OLA1: variants seen among roughly 807,000 people sequenced by gnomAD.
OLA1 encodes Obg like ATPase 1.
A neutral mutation model predicts 48.4 loss-of-function variants in OLA1; 14 were observed. The observed-to-expected ratio is 0.29, with a 90% CI of 0.19 to 0.45. OLA1 has a LOEUF of 0.45. OLA1 is among the 20% of genes least tolerant of loss of function. The pLI, the probability that OLA1 is intolerant of heterozygous loss-of-function variation, is 1.00. For missense variants in OLA1, 325 were observed against 467.1 expected (o/e 0.70, Z 2.80); for synonymous variants, 127 against 150.4 (o/e 0.84, Z 1.14).
At chr2:174,080,195 A>C (rs1397592795) in intron 9 of OLA1, among the ~76,000 whole-genome samples, 1 of 152,038 alleles carries the variant, frequency 6.6e-6, no homozygotes, top group Non-Finnish European at 1.5e-5. Flanking sequence ...CATTCACACA[A>C]GGCATTTAAC....
chr2:174,095,820 T>C (rs902656411), intron 7 of OLA1, among the ~76,000 whole-genome samples: 1 of 152,098 alleles, frequency 6.6e-6, no homozygotes, highest in African/African-American at 2.4e-5. Context: ...AGAACTCTTA[T>C]AACTCAACGA....
chr2:174,078,983 A>G lies in OLA1; in HGVS notation c.1074T>C (p.Ser358=). The G allele has an allele frequency of 6.2e-7, 1 of 1,602,398 alleles. No homozygotes were observed. Among genetic ancestry groups the G allele is most frequent in the Non-Finnish European group, 8.5e-7 (1 of 1,175,622 alleles). The part of the protein sequence containing the change: ...MKYEDFKEEG[S]ENAVKAAGKY... ...AATTCTTTACCTTGACTGCATTTTC[A>G]GAACCTTCCTCTTTAAAATCTTCGT... Residue 358 remains serine (S), a synonymous_variant, in exon 10 of 11, where the codon TCT becomes TCC. Coordinates refer to ENST00000284719, the MANE Select transcript of OLA1 (RefSeq NM_013341.5).
At chr2:174,159,197 C>G (rs1051120302) in intron 4 of OLA1, among the ~76,000 whole-genome samples, 2 of 152,118 alleles carry the variant, frequency 1.3e-5, no homozygotes, top group Non-Finnish European at 2.9e-5. Context: ...TTTGCTGCTA[C>G]AATTTGCAGT....
chr2:174,116,049 A>G (rs1383061063), intron 7 of OLA1, among the ~76,000 whole-genome samples: 2 of 152,230 alleles, frequency 1.3e-5, no homozygotes. Context: ...ATGAGCTCAC[A>G]GTCTTCAAAA....
chr2:174,097,150 C>T (rs908801314), intron 7 of OLA1, among the ~76,000 whole-genome samples: 8 of 151,848 alleles, frequency 5.3e-5, no homozygotes, highest in Non-Finnish European at 7.4e-5. Context: ...AGCAAAACTC[C>T]GTCTCAAAAT....
chr2:174,196,557 A>C (rs961202813), intron 4 of OLA1, among the ~76,000 whole-genome samples: 1 of 152,202 alleles, frequency 6.6e-6, no homozygotes, highest in African/African-American at 2.4e-5. Context: ...GGTGGTTGTA[A>C]TTTAGATTAT....
At chr2:174,142,666 T>A (rs979520289) in intron 4 of OLA1, among the ~76,000 whole-genome samples, 3 of 152,178 alleles carry the variant, frequency 2.0e-5, no homozygotes, top group Admixed American at 2.0e-4. Flanking sequence ...GTTGAAGCCA[T>A]AATTTCAAAT....
Position 174,246,000 on chromosome 2 carries a change from T to C in OLA1, c.101+715A>G, listed in dbSNP as rs535558859. ...TTATTTGCATATATTCAATTCACTG[T>C]AACTTTGAAAACATTACAGCTGGGC... On this transcript the variant is annotated intron_variant, in intron 2 of 10. Transcript: ENST00000284719. 3.4e-4 allele frequency among the ~76,000 whole-genome samples: 51 copies of C among 152,034 alleles called. No homozygotes were observed. The East Asian group carries it at 8.3e-3, about 25-fold the overall frequency.
At chr2:174,186,385 G>A (rs1208273957) in intron 4 of OLA1, among the ~76,000 whole-genome samples, 1 of 152,162 alleles carries the variant, frequency 6.6e-6, no homozygotes, top group African/African-American at 2.4e-5. Flanking sequence ...AAAACTTTAT[G>A]AGCTCCAACA....
chr2:174,153,332 C>G (rs1370436744), intron 4 of OLA1, among the ~76,000 whole-genome samples: 1 of 151,818 alleles, frequency 6.6e-6, no homozygotes, highest in Non-Finnish European at 1.5e-5. Context: ...TAAGAGTTCT[C>G]TTAAATTAAA....
chr2:174,219,278 TAA>T (rs751305223), intron 4 of OLA1, among the ~76,000 whole-genome samples: 14 of 135,466 alleles, frequency 1.0e-4, no homozygotes, highest in Admixed American at 1.5e-4. Context: ...CCTGACTCTT[TAA>T]AAAAAAAAAA....
intron 4 of OLA1, among the ~76,000 whole-genome samples, chr2:174,199,280 C>T (rs138684137): frequency 1.8e-3 from 271 of 152,188 alleles, no homozygotes; most frequent in African/African-American, 5.8e-3. Context: ...AAAATTCAGG[C>T]TCTCAGCCAC....
At position 174,095,478 on chromosome 2, in the gene OLA1, ATCT is replaced by A. The variant is rs899542677; in HGVS notation, c.729-13417_729-13415del. 1.1e-3 allele frequency among the ~76,000 whole-genome samples: 169 copies of A among 151,822 alleles called. 2 individuals carry two copies. The highest frequency in any genetic ancestry group is 3.6e-3 in the African/African-American group (150 of 41,390). ...TTTCATGCTTGTTGGCCACTTGTAT[ATCT>A]TCTTTGGAGAAATGTCTACTCAAGT... On this transcript the variant is annotated intron_variant, in intron 7 of 10. Transcript: ENST00000284719.
intron 2 of OLA1, among the ~76,000 whole-genome samples, chr2:174,236,185 A>G (rs1391666080): frequency 6.6e-6 from 1 of 152,072 alleles, no homozygotes; most frequent in African/African-American, 2.4e-5. Flanking sequence ...AAATATATAT[A>G]CCAAAATCAG....
In OLA1 at chr2:174,188,158, T is replaced by C. The variant is rs113623901; in HGVS notation, c.373+34875A>G. On this transcript the variant is annotated intron_variant, in intron 4 of 10. Transcript: ENST00000284719. Reference sequence around the variant, plus strand: ...ACATGGTGAAAATGTGTGATGGGCTTATAGAAGGACTAGAACAACATGCGT... The same window carrying C: ...ACATGGTGAAAATGTGTGATGGGCTCATAGAAGGACTAGAACAACATGCGT... 5.4e-3 allele frequency among the ~76,000 whole-genome samples: 815 copies of C among 152,216 alleles called. 10 individuals carry two copies. In the Middle Eastern group the frequency reaches 0.065, roughly 12 times the overall value.
chr2:174,236,858 G>A (rs554010009), intron 2 of OLA1, among the ~76,000 whole-genome samples: 1 of 152,272 alleles, frequency 6.6e-6, no homozygotes, highest in Admixed American at 6.5e-5. Flanking sequence ...CATGAGTGGA[G>A]CTTGCAGGCC....
At chr2:174,083,629 G>T (rs116413295) in intron 7 of OLA1, among the ~76,000 whole-genome samples, 1 of 152,106 alleles carries the variant, frequency 6.6e-6, no homozygotes, top group Admixed American at 6.5e-5. Context: ...TTCTGTCTCC[G>T]TTAACATTAT....
At chr2:174,159,843 T>C (rs189926058) in intron 4 of OLA1, among the ~76,000 whole-genome samples, 1 of 152,076 alleles carries the variant, frequency 6.6e-6, no homozygotes, top group East Asian at 1.9e-4. Flanking sequence ...ATTTATGTTA[T>C]GTATATATTT....
chr2:174,107,780 T>C (rs1263653209), intron 7 of OLA1, among the ~76,000 whole-genome samples: 1 of 152,116 alleles, frequency 6.6e-6, no homozygotes, highest in African/African-American at 2.4e-5. Flanking sequence ...GATTAGATTA[T>C]AGAATGAGAA....
Sources: gnomAD v4.1 joint callset for allele counts (sites outside exome capture counted in the v4.1 genomes callset) on GRCh38, gnomAD v4.1.1 for gene constraint, MANE v1.5 for transcripts, NCBI Gene and HGNC (gene_info 2026-07-23, HGNC 2026-07-21) for gene names.